Variants in ZNF705A observed in about 807,000 individuals in gnomAD.
ZNF705A encodes zinc finger protein 705A.
Under a neutral mutation model 16.6 loss-of-function variants are expected in ZNF705A, and 8 were observed. That is an observed-to-expected ratio of 0.48 (90% CI 0.28 to 0.87). The LOEUF is 0.87. Among genes scored for constraint, ZNF705A ranks in the 40% least tolerant of loss-of-function variants. The pLI, the probability that ZNF705A is intolerant of heterozygous loss-of-function variation, is 0.10. For synonymous variants in ZNF705A, 73 were observed against 117.3 expected, an observed-to-expected ratio of 0.62 and a Z score of 2.44; for missense variants, 233 against 359.9, an observed-to-expected ratio of 0.65 and a Z score of 2.85.
At chr12:8,171,334 C>T (rs1331580170), upstream of ZNF705A, among the ~76,000 whole-genome samples, 1 of 152,060 alleles carries the variant, frequency 6.6e-6, no homozygotes, top group African/African-American at 2.4e-5. Flanking sequence ...ATGCATGTTT[C>T]CCCCTGTCTC....
chr12:8,178,529 A>G (rs1351236796), exon 5 of ZNF705A: 5 of 152,394 alleles, frequency 3.3e-5, no homozygotes, highest in African/African-American at 1.2e-4. Context: ...TAGATTTCTC[A>G]TCAGAAAAGT....
At chr12:8,170,683 C>A (rs1948438887), upstream of ZNF705A, among the ~76,000 whole-genome samples, 2 of 152,144 alleles carry the variant, frequency 1.3e-5, no homozygotes, top group African/African-American at 4.8e-5. Context: ...TGTAGGCCTT[C>A]TCTAATATCT....
intron 1 of ZNF705A, among the ~76,000 whole-genome samples, chr12:8,158,909 C>T (rs1271846018): frequency 5.9e-5 from 9 of 151,932 alleles, no homozygotes; most frequent in African/African-American, 1.9e-4. Context: ...TTTTGGTGCA[C>T]CCATCTCCCG....
intron 1 of ZNF705A, among the ~76,000 whole-genome samples, chr12:8,157,774 T>C (rs1948321430): frequency 6.6e-6 from 1 of 152,194 alleles, no homozygotes; most frequent in Admixed American, 6.5e-5. Flanking sequence ...ACTTGTAAAC[T>C]GTGAAATGTT....
chr12:8,162,802 T>C (rs1948367343), intron 1 of ZNF705A, among the ~76,000 whole-genome samples: 1 of 152,220 alleles, frequency 6.6e-6, no homozygotes, highest in Admixed American at 6.5e-5. Context: ...CCAGACATTT[T>C]GTTAGTGAAC....
chr12:8,159,069 T>C (rs1948332671), intron 1 of ZNF705A, among the ~76,000 whole-genome samples: 1 of 152,168 alleles, frequency 6.6e-6, no homozygotes, highest in Non-Finnish European at 1.5e-5. Flanking sequence ...GATGTTTAGT[T>C]TTCCATTCCT....
chr12:8,163,316 AT>A (rs888916445), intron 1 of ZNF705A, among the ~76,000 whole-genome samples: 5 of 151,616 alleles, frequency 3.3e-5, no homozygotes, highest in Non-Finnish European at 7.4e-5. Context: ...TGATATTTTT[AT>A]TTTTTTTTAA....
At chr12:8,178,934 A>T (rs1198058578) in exon 5 of ZNF705A, 1 of 152,162 alleles carries the variant, frequency 6.6e-6, no homozygotes, top group East Asian at 1.9e-4. Flanking sequence ...TTCAACGTCC[A>T]CTAAAACCAC....
chr12:8,174,052 G>A (rs192950580), intron 1 of ZNF705A, among the ~76,000 whole-genome samples: 4 of 152,188 alleles, frequency 2.6e-5, no homozygotes, highest in African/African-American at 4.8e-5. Context: ...TTATGTAGAG[G>A]TGATTAACAC....
chr12:8,160,458 G>C (rs7301522), intron 1 of ZNF705A, among the ~76,000 whole-genome samples: 71,089 of 151,958 alleles, frequency 0.47, 16,834 homozygotes, highest in South Asian at 0.6. Flanking sequence ...CCATGAGCAT[G>C]GGATGTGTTT....
chr12:8,159,278 C>A (rs748978755), intron 1 of ZNF705A, among the ~76,000 whole-genome samples: 1 of 152,152 alleles, frequency 6.6e-6, no homozygotes, highest in Non-Finnish European at 1.5e-5. Context: ...TATTAACATG[C>A]ATGTGCAAGT....
At chr12:8,164,601 G>A (rs779845085) in intron 1 of ZNF705A, among the ~76,000 whole-genome samples, 25 of 152,212 alleles carry the variant, frequency 1.6e-4, no homozygotes, top group East Asian at 1.2e-3. Flanking sequence ...TTTTCTGTTC[G>A]TGGGTTAGTT....
exon 5 of ZNF705A, chr12:8,178,047 T>A (rs1257098199): frequency 5.7e-6 from 1 of 176,128 alleles, no homozygotes; most frequent in Non-Finnish European, 1.2e-5. Context: ...AGGTAGAGAA[T>A]CTCTAACTCT....
chr12:8,165,905 C>A lies in ZNF705A; in HGVS notation c.-71-6650C>A, dbSNP rs185555468. Among the ~76,000 whole-genome samples the A allele has an allele frequency of 7.7e-3, 1,177 of 152,286 alleles. 14 individuals carry two copies. Among genetic ancestry groups the A allele is most frequent in the African/African-American group, 0.027 (1,113 of 41,556 alleles). ...GTACATATACTGTATTTTCTCTATC[C>A]ACTCTAACATTGATGGGCATCTAGG... On this transcript the variant is annotated intron_variant, in intron 1 of 5. Transcript: ENST00000396570.
At chr12:8,178,214 T>C (rs773504832) in exon 5 of ZNF705A, 33 of 153,934 alleles carry the variant, frequency 2.1e-4, no homozygotes, top group South Asian at 1.0e-3. Context: ...AAAATGCTGC[T>C]AAAATGGAAA....
intron 1 of ZNF705A, among the ~76,000 whole-genome samples, chr12:8,157,933 A>G (rs1406212100): frequency 6.6e-6 from 1 of 152,146 alleles, no homozygotes; most frequent in Non-Finnish European, 1.5e-5. Flanking sequence ...AAGGAAAAAG[A>G]GGCAGACAGT....
At chr12:8,161,638 T>C (rs764497860) in intron 1 of ZNF705A, among the ~76,000 whole-genome samples, 8 of 152,180 alleles carry the variant, frequency 5.3e-5, no homozygotes, top group Non-Finnish European at 1.2e-4. Context: ...TAATATCTCC[T>C]GTTCCAATTA....
intron 1 of ZNF705A, among the ~76,000 whole-genome samples, 177 bp downstream of exon 1, chr12:8,157,269 AAATAGGCAAAAG>A (rs1427894986): frequency 6.6e-6 from 1 of 152,174 alleles, no homozygotes; most frequent in Non-Finnish European, 1.5e-5. Context: ...GTAAATTATG[AAATAGGCAAAAG>A]AATCAGGAAG....
intron 1 of ZNF705A, among the ~76,000 whole-genome samples, chr12:8,159,142 T>G (rs1287182732): frequency 1.3e-5 from 2 of 152,286 alleles, no homozygotes; most frequent in Middle Eastern, 3.4e-3. Context: ...TGCCATTACT[T>G]CATTCATTTT....
Sources: gnomAD v4.1 joint callset for allele counts (sites outside exome capture counted in the v4.1 genomes callset) on GRCh38, gnomAD v4.1.1 for gene constraint, MANE v1.5 for transcripts, NCBI Gene and HGNC (gene_info 2026-07-23, HGNC 2026-07-21) for gene names.